DLG2: variants seen among roughly 807,000 people sequenced by gnomAD.
DLG2 encodes the protein discs large MAGUK scaffold protein 2.
A neutral mutation model predicts 132.5 loss-of-function variants in DLG2; 45 were observed. That is an observed-to-expected ratio of 0.34 (90% confidence interval 0.27 to 0.44). The LOEUF is 0.44. DLG2 is among the 20% of genes least tolerant of loss of function. The probability of loss-of-function intolerance (pLI) is 1.00; values close to 1 mark genes in which losing one functional copy is unlikely to be tolerated. For missense variants in DLG2, 1,045 were observed against 1,196.9 expected, an observed-to-expected ratio of 0.87 and a Z score of 1.87; for synonymous variants, 424 against 419.6, an observed-to-expected ratio of 1.01 and a Z score of -0.13.
chr11:84,441,500 T>C (rs186628958), intron 7 of DLG2, among the ~76,000 whole-genome samples: 37 of 152,288 alleles, frequency 2.4e-4, no homozygotes, highest in Admixed American at 2.0e-3. Flanking sequence ...ATATTTAACT[T>C]CAATTCAGAG....
chr11:85,110,205 T>A (rs1301096213), intron 6 of DLG2, among the ~76,000 whole-genome samples: 3 of 151,940 alleles, frequency 2.0e-5, no homozygotes, highest in Admixed American at 6.6e-5. Flanking sequence ...CCTTTCTCAG[T>A]TCAAGATCAG....
chr11:84,046,953 TC>T (rs959542071), intron 11 of DLG2, among the ~76,000 whole-genome samples: 5 of 151,748 alleles, frequency 3.3e-5, no homozygotes, highest in African/African-American at 1.2e-4. Context: ...GGAGTCATGG[TC>T]CATGAATAGA....
At chr11:83,766,675 G>T (rs959484639) in intron 18 of DLG2, among the ~76,000 whole-genome samples, 1 of 152,024 alleles carries the variant, frequency 6.6e-6, no homozygotes, top group Non-Finnish European at 1.5e-5. Context: ...GTTTGCTATT[G>T]TCTCTTAGAA....
At chr11:85,502,605 AC>A (rs1392628121) in intron 3 of DLG2, among the ~76,000 whole-genome samples, 1 of 151,902 alleles carries the variant, frequency 6.6e-6, no homozygotes, top group Admixed American at 6.6e-5. Context: ...AACAATGGGA[AC>A]ACATGGACAC....
intron 11 of DLG2, among the ~76,000 whole-genome samples, chr11:84,007,072 G>A (rs890342742): frequency 3.3e-5 from 5 of 151,568 alleles, no homozygotes; most frequent in African/African-American, 1.2e-4. Flanking sequence ...ACCCTTATAG[G>A]GCTCTTTGTA....
chr11:84,851,803 T>C (rs2082198294), intron 6 of DLG2, among the ~76,000 whole-genome samples: 1 of 151,882 alleles, frequency 6.6e-6, no homozygotes, highest in South Asian at 2.1e-4. Flanking sequence ...TTTAATAATA[T>C]CGTTTTCAAA....
At chr11:84,495,259 T>C (rs550795450) in intron 7 of DLG2, among the ~76,000 whole-genome samples, 2 of 152,284 alleles carry the variant, frequency 1.3e-5, no homozygotes, top group African/African-American at 4.8e-5. Context: ...GCTTTGGGGT[T>C]CCTGTGCCTA....
At chr11:84,706,106 AG>A (rs2059748286) in intron 6 of DLG2, among the ~76,000 whole-genome samples, 1 of 151,844 alleles carries the variant, frequency 6.6e-6, no homozygotes, top group Non-Finnish European at 1.5e-5. Context: ...TGAGTCCTGA[AG>A]GAATACTATT....
chr11:84,720,504 C>G, intron 6 of DLG2: 1 of 984,944 alleles, frequency 1.0e-6, no homozygotes. Context: ...ATCACTGCCC[C>G]CTGCACCCGC....
intron 7 of DLG2, among the ~76,000 whole-genome samples, chr11:84,534,327 C>A (rs562758591): frequency 1.1e-4 from 16 of 152,122 alleles, no homozygotes; most frequent in Non-Finnish European, 1.3e-4. Flanking sequence ...TCACTCTTGG[C>A]GCTTTCTTTA....
At chr11:85,424,902 G>A (rs776281544) in intron 3 of DLG2, among the ~76,000 whole-genome samples, 4 of 152,142 alleles carry the variant, frequency 2.6e-5, no homozygotes, top group Admixed American at 6.5e-5. Flanking sequence ...AGAATGGTGA[G>A]AAATAAATTT....
At chr11:84,636,750 AT>A (rs1447888237) in intron 6 of DLG2, among the ~76,000 whole-genome samples, 1 of 151,374 alleles carries the variant, frequency 6.6e-6, no homozygotes, top group Non-Finnish European at 1.5e-5. Flanking sequence ...GAAAAAAGTT[AT>A]AAACTTAAGA....
intron 6 of DLG2, among the ~76,000 whole-genome samples, chr11:84,811,366 G>T (rs563916757): frequency 1.2e-4 from 18 of 152,270 alleles, no homozygotes; most frequent in Middle Eastern, 6.8e-3. Context: ...CACAGTAGGG[G>T]AGTAGGAGAA....
chr11:83,913,390 C>A (rs1366113243), intron 15 of DLG2, among the ~76,000 whole-genome samples: 7 of 151,978 alleles, frequency 4.6e-5, no homozygotes, highest in African/African-American at 1.7e-4. Flanking sequence ...AAAAAACCAA[C>A]AACTCAATAC....
intron 11 of DLG2, among the ~76,000 whole-genome samples, chr11:84,048,314 A>G (rs1365041702): frequency 6.6e-6 from 1 of 151,630 alleles, no homozygotes; most frequent in African/African-American, 2.4e-5. Context: ...GTTGCACTAT[A>G]TATATACTCA....
At chr11:85,016,673 G>C (rs2059604237) in intron 6 of DLG2, among the ~76,000 whole-genome samples, 1 of 152,096 alleles carries the variant, frequency 6.6e-6, no homozygotes, top group Admixed American at 6.6e-5. Context: ...GCTACGCACT[G>C]TCCTTTAATC....
At chr11:83,925,247 G>C (rs1301993628) in intron 15 of DLG2, among the ~76,000 whole-genome samples, 2 of 152,104 alleles carry the variant, frequency 1.3e-5, no homozygotes, top group African/African-American at 4.8e-5. Context: ...CCTAGCTGTA[G>C]CCCATCAGGT....
intron 6 of DLG2, among the ~76,000 whole-genome samples, chr11:85,072,025 G>A (rs1304524227): frequency 6.6e-6 from 1 of 151,780 alleles, no homozygotes; most frequent in African/African-American, 2.4e-5. Context: ...GCATCCCTAT[G>A]TCACTCAAAG....
intron 7 of DLG2, among the ~76,000 whole-genome samples, chr11:84,526,925 T>C (rs887803164): frequency 3.8e-4 from 58 of 151,996 alleles, no homozygotes; most frequent in African/African-American, 1.3e-3. Flanking sequence ...ACTACAGGCA[T>C]CCGCCACCAC....
Sources: allele counts gnomAD v4.1 joint callset (sites outside exome capture counted in the v4.1 genomes callset), GRCh38; gene constraint gnomAD v4.1.1; transcripts MANE v1.5; gene names NCBI Gene and HGNC (gene_info 2026-07-23, HGNC 2026-07-21).